The following IRAK1BP1 variants were observed in gnomAD, a reference collection of about 807,000 sequenced individuals.
IRAK1BP1 encodes the protein interleukin 1 receptor associated kinase 1 binding protein 1.
IRAK1BP1 carries 24 observed loss-of-function variants against 28.0 expected under a neutral mutation model. The observed-to-expected ratio is 0.86, with a 90% CI of 0.62 to 1.20. The LOEUF (loss-of-function observed/expected upper bound fraction) is 1.20, where lower values mean the gene tolerates loss of function less well. Among genes scored for constraint, IRAK1BP1 ranks in the 50% most tolerant of loss-of-function variants. The pLI is 0.00. For missense variants in IRAK1BP1, 336 were observed against 316.7 expected (o/e 1.06, Z -0.46); for synonymous variants, 131 against 116.3 (o/e 1.13, Z -0.81).
chr6:78,908,758 AT>A (rs1772326388), intron 4 of IRAK1BP1, among the ~76,000 whole-genome samples: 1 of 152,276 alleles, frequency 6.6e-6, no homozygotes, highest in East Asian at 1.9e-4. Flanking sequence ...AATGTGCAAT[AT>A]TTTTTTAAGC....
chr6:78,951,853 T>G, the IRAK1BP1 span, among the ~76,000 whole-genome samples: 1 of 152,224 alleles, frequency 6.6e-6, no homozygotes, highest in Admixed American at 6.5e-5. Context: ...GGATACGGGT[T>G]CCCATTGTGG....
rs928722311 is a variant in IRAK1BP1, at chr6:78,900,363, C to T, written c.*2029C>T. On this transcript the variant is annotated 3_prime_UTR_variant, in exon 4 of 4. Transcript: ENST00000369940. ...TCATAGAGTTTTTCCATTGATAAAT[C>T]TGGATGTTTATATACCAACAGTACT... 4 of 152,336 alleles carry T rather than the reference C, an allele frequency of 2.6e-5. No individual in the cohort carries two copies. The highest frequency in any genetic ancestry group is 3.4e-3 in the Middle Eastern group (1 of 294). 9.4% of individuals were successfully genotyped at this position (152,336 alleles called of 1,614,324 possible).
intron 4 of IRAK1BP1, among the ~76,000 whole-genome samples, chr6:78,944,537 T>G (rs763400546): frequency 6.6e-6 from 1 of 152,104 alleles, no homozygotes; most frequent in Non-Finnish European, 1.5e-5. Context: ...AGAGATGTTA[T>G]GGAGGGAGAA....
At chr6:78,914,753 G>A (rs918052497) in intron 4 of IRAK1BP1, among the ~76,000 whole-genome samples, 8 of 152,284 alleles carry the variant, frequency 5.3e-5, no homozygotes, top group African/African-American at 1.4e-4. Flanking sequence ...GGCTTAATAC[G>A]ATGAACAAAT....
downstream of IRAK1BP1, among the ~76,000 whole-genome samples, chr6:78,950,740 G>A (rs1774096265): frequency 6.6e-6 from 1 of 152,038 alleles, no homozygotes; most frequent in South Asian, 2.1e-4. Flanking sequence ...TTTATAAGCT[G>A]TGTAAATCTT....
In IRAK1BP1 at chr6:78,927,473, C is replaced by T. The variant is rs1206146279; in HGVS notation, c.*68-17935C>T. ...ATGGGTAGTTTACAAATATGTTCTC[C>T]CATTCTGTGGGTTGTCTCTTCACTT... On this transcript the variant is annotated intron_variant and NMD_transcript_variant, in intron 4 of 4. Coordinates refer to the IRAK1BP1 transcript ENST00000606868. 3.9e-5 allele frequency among the ~76,000 whole-genome samples: 6 copies of T among 152,144 alleles called. No individual in the cohort carries two copies. In the East Asian group the frequency reaches 1.2e-3, roughly 29 times the overall value.
chr6:78,978,799 TTAAA>T, the IRAK1BP1 span: 13 of 1,089,652 alleles, frequency 1.2e-5, no homozygotes, highest in Middle Eastern at 2.7e-4. Flanking sequence ...ATAAAGATAA[TTAAA>T]TAAAAGGGGA....
At chr6:78,919,985 G>A (rs1299882836) in intron 4 of IRAK1BP1, among the ~76,000 whole-genome samples, 1 of 152,182 alleles carries the variant, frequency 6.6e-6, no homozygotes, top group Non-Finnish European at 1.5e-5. Context: ...GTGGGGCGTG[G>A]TGGCTTATGG....
At chr6:78,878,112 A>G (rs1393435805) in intron 1 of IRAK1BP1, among the ~76,000 whole-genome samples, 1 of 152,184 alleles carries the variant, frequency 6.6e-6, no homozygotes, top group East Asian at 1.9e-4. Context: ...TGCAGACTTA[A>G]ATGTACCTGT....
chr6:78,957,605 C>A, the IRAK1BP1 span: 7 of 150,244 alleles, frequency 4.7e-5, no homozygotes, highest in Admixed American at 4.0e-4. Flanking sequence ...ACTGAATAAT[C>A]CTGAATTTTT....
chr6:78,968,602 A>G, the IRAK1BP1 span, among the ~76,000 whole-genome samples: 2 of 152,220 alleles, frequency 1.3e-5, no homozygotes, highest in African/African-American at 2.4e-5. Flanking sequence ...ACTTCAATAC[A>G]ACTGTGCATA....
At chr6:78,921,523 G>A (rs566234867) in intron 4 of IRAK1BP1, among the ~76,000 whole-genome samples, 34 of 152,348 alleles carry the variant, frequency 2.2e-4, no homozygotes, top group African/African-American at 7.7e-4. Context: ...ACAAAAGGCA[G>A]CAGAAACCTC....
rs576068126 is a variant in IRAK1BP1, at chr6:78,899,002, A to C, written c.*668A>C. Reference sequence around the variant, plus strand: ...TATTACTCATGGCACAACAAGGAGCATGAGCATCAGCACATTCTCATTGCT... The same window carrying C: ...TATTACTCATGGCACAACAAGGAGCCTGAGCATCAGCACATTCTCATTGCT... On this transcript the variant is annotated 3_prime_UTR_variant, in exon 4 of 4. Coordinates refer to ENST00000369940, the MANE Select transcript of IRAK1BP1 (RefSeq NM_001010844.4). 1.3e-5 allele frequency: 2 copies of C among 152,338 alleles called. No individual in the cohort carries two copies. The highest frequency in any genetic ancestry group is 4.8e-5 in the African/African-American group (2 of 41,578). 9.4% of individuals were successfully genotyped at this position (152,338 alleles called of 1,614,324 possible). A position where few individuals can be genotyped will look rare whatever the true frequency, so the allele number is the denominator to read the frequency against.
chr6:78,955,044 T>C, the IRAK1BP1 span: 7 of 1,000,658 alleles, frequency 7.0e-6, no homozygotes, highest in Non-Finnish European at 1.0e-5. Context: ...TCTTAGATAA[T>C]TGGGTAATAT....
At chr6:78,954,331 C>T in the IRAK1BP1 span, among the ~76,000 whole-genome samples, 1 of 151,982 alleles carries the variant, frequency 6.6e-6, no homozygotes, top group Admixed American at 6.5e-5. Flanking sequence ...TGGTCTCGAT[C>T]TCCTGACCTC....
the IRAK1BP1 span, among the ~76,000 whole-genome samples, chr6:78,975,827 G>A: frequency 6.7e-6 from 1 of 149,574 alleles, no homozygotes; most frequent in East Asian, 2.0e-4. Context: ...GGGATGTGAA[G>A]GACCTCTTCA....
At chr6:78,923,043 A>T (rs533328027) in intron 4 of IRAK1BP1, among the ~76,000 whole-genome samples, 1 of 152,224 alleles carries the variant, frequency 6.6e-6, no homozygotes, top group Non-Finnish European at 1.5e-5. Flanking sequence ...AGCTAACATC[A>T]TAATGACAGG....
intron 4 of IRAK1BP1, among the ~76,000 whole-genome samples, chr6:78,932,507 C>T (rs1291632696): frequency 6.7e-6 from 1 of 149,240 alleles, no homozygotes; most frequent in African/African-American, 2.5e-5. Flanking sequence ...CTGCAACCTC[C>T]ACCTCCCAGG....
the IRAK1BP1 span, among the ~76,000 whole-genome samples, chr6:78,955,443 T>A: frequency 2.9e-4 from 44 of 151,876 alleles, no homozygotes; most frequent in Admixed American, 5.9e-4. Context: ...CATTAAAAAA[T>A]TTTTTTTAAC....
Sources: allele counts gnomAD v4.1 joint callset (sites outside exome capture counted in the v4.1 genomes callset), GRCh38; gene constraint gnomAD v4.1.1; transcripts MANE v1.5; gene names NCBI Gene and HGNC (gene_info 2026-07-23, HGNC 2026-07-21).